ABCC8: variants seen among roughly 807,000 people sequenced by gnomAD.
The protein encoded by ABCC8 is ATP binding cassette subfamily C member 8, also known as ATP-binding cassette sub-family C member 8.
Under a neutral mutation model 188.0 loss-of-function variants are expected in ABCC8, and 137 were observed. The ratio of observed to expected loss-of-function variants is 0.73; its 90% confidence interval spans 0.63 to 0.84. The LOEUF is 0.84. ABCC8 is among the 40% of genes least tolerant of loss of function. ABCC8 has a pLI of 0.00. For synonymous variants in ABCC8, 797 were observed against 846.5 expected, an observed-to-expected ratio of 0.94 and a Z score of 1.01; for missense variants, 1,750 against 2,072.7, an observed-to-expected ratio of 0.84 and a Z score of 3.02.
At chr11:17,407,318 A>G in intron 24 of ABCC8, 36 bp downstream of exon 24, 2 of 1,614,120 alleles carry the variant, frequency 1.2e-6, no homozygotes, top group Non-Finnish European at 1.7e-6. Flanking sequence ...ATCAGACCTC[A>G]GGCCATAATT....
chr11:17,398,514 A>T, intron 29 of ABCC8, 73 bp from the exon 30 acceptor site: 5 of 1,595,782 alleles, frequency 3.1e-6, no homozygotes, highest in Non-Finnish European at 3.4e-6. Flanking sequence ...CCCTACCTGC[A>T]GAGGGAGGCT....
rs1412777627 is a variant in ABCC8 at position 17,393,879 on chromosome 11, C to T, written c.4546-120G>A. On this transcript the variant is annotated intron_variant, in intron 37 of 38. Coordinates refer to ENST00000389817, the MANE Select transcript of ABCC8 (RefSeq NM_000352.6). ...TCCCATCTGACCCCGATCCTAGTCC[C>T]ACCCCCACCCCACAGGACTGAACAG... is the stretch of plus-strand genomic sequence containing the variant. The T allele has an allele frequency of 1.1e-5, 17 of 1,593,556 alleles. No individual in the cohort carries two copies. The South Asian group carries it at 1.8e-4, about 17-fold the overall frequency.
At chr11:17,411,151 A>G (rs1300414794) in intron 21 of ABCC8, among the ~76,000 whole-genome samples, 1 of 152,106 alleles carries the variant, frequency 6.6e-6, no homozygotes, top group Non-Finnish European at 1.5e-5. Flanking sequence ...TTCCTCCTGC[A>G]TCCTGTCCTG....
At chr11:17,396,045 C>T in intron 33 of ABCC8, 115 bp from the exon 34 acceptor site, 7 of 1,527,262 alleles carry the variant, frequency 4.6e-6, no homozygotes, top group East Asian at 2.5e-5. Flanking sequence ...TCTTTTTGGC[C>T]TGGTTTTCTG....
chr11:17,462,637 C>T (rs1435881868), intron 4 of ABCC8, among the ~76,000 whole-genome samples: 4 of 152,134 alleles, frequency 2.6e-5, no homozygotes, highest in Non-Finnish European at 5.9e-5. Flanking sequence ...AACTTGGCAA[C>T]AAAGTAAATG....
Position 17,407,070 on chromosome 11 carries a change from C to T in ABCC8, c.2980G>A (p.Glu994Lys), listed in dbSNP as rs766921341. Residue 994 changes from glutamate (E) to lysine (K), a missense_variant, in exon 25 of 39, where the codon GAG (glutamate) becomes AAG (lysine). Physicochemically the swap from Glu to Lys is moderately conservative, Grantham distance 56 (BLOSUM62 1). Transcript: ENST00000389817. ...NLSSMLHQRA[E>K]IPWRACAKYL... is the part of the protein sequence containing the mutation. ...TTGGCGCAGGCTCGCCATGGGATCT[C>T]AGCACGCTGGTGCAGCATGGACGAC... The T allele has an allele frequency of 3.5e-5, 57 of 1,614,034 alleles. No homozygotes were observed. Among genetic ancestry groups the T allele is most frequent in the Non-Finnish European group, 4.7e-5 (55 of 1,180,038 alleles).
chr11:17,428,894 G>A, intron 12 of ABCC8: 1 of 729,094 alleles, frequency 1.4e-6, no homozygotes, highest in Non-Finnish European at 2.2e-6. Context: ...GGTCTGGATT[G>A]GAGGTGAGAT....
rs1234017934 is a variant in ABCC8, at chr11:17,432,227, T to C, written c.1648A>G (p.Ile550Val). ...ACTATGAGGACAGCTGCAATGGGGA[T>C]GGCCGTGTTCATGAAAACTGCAGAG... ...TSISIFMNTA[I>V]PIAAVLITFV... Residue 550 changes from isoleucine (I) to valine (V), a missense_variant, in exon 11 of 39, where the codon ATC becomes GTC. Coordinates refer to ENST00000389817, the MANE Select transcript of ABCC8 (RefSeq NM_000352.6). 1.3e-6 allele frequency: 2 copies of C among 1,552,728 alleles called. No individual in the cohort carries two copies. The highest frequency in any genetic ancestry group is 2.4e-5 in the East Asian group (1 of 41,048).
intron 3 of ABCC8, among the ~76,000 whole-genome samples, chr11:17,466,086 C>G (rs879499102): frequency 1.3e-5 from 2 of 152,072 alleles, no homozygotes; most frequent in Non-Finnish European, 2.9e-5. Context: ...ACATTATGCT[C>G]AGTGAAATAA....
chr11:17,451,302 G>A lies in ABCC8; in HGVS notation c.1176+1817C>T, dbSNP rs142800343. 5.3e-5 allele frequency among the ~76,000 whole-genome samples: 8 copies of A among 152,276 alleles called. No individual in the cohort carries two copies. The East Asian group carries it at 1.5e-3, about 29-fold the overall frequency. On this transcript the variant is annotated intron_variant, in intron 7 of 38. Coordinates refer to ENST00000389817, the MANE Select transcript of ABCC8 (RefSeq NM_000352.6). ...AGTTTTCTGAACTGAGCAACAGCTTGGTTCCTCCCAGCTCTGGGCCCCCAT... is the reference window on the plus strand; with the variant it reads ...AGTTTTCTGAACTGAGCAACAGCTTAGTTCCTCCCAGCTCTGGGCCCCCAT...
intron 7 of ABCC8, among the ~76,000 whole-genome samples, chr11:17,450,324 T>TTCTCTCTCTCTCTCTC (rs576893666): frequency 4.0e-5 from 3 of 75,710 alleles, no homozygotes; most frequent in African/African-American, 1.8e-4. Context: ...CTTTCTTTCT[T>TTCTCTCTCTCTCTCTC]TCTCTCTCTC....
intron 29 of ABCC8, among the ~76,000 whole-genome samples, chr11:17,399,275 C>CAAAAA (rs57138230): frequency 2.6e-4 from 15 of 58,536 alleles, no homozygotes; most frequent in East Asian, 3.7e-4. Context: ...GACTCTGCCT[C>CAAAAA]AAAAAAAAAA....
chr11:17,433,191 G>A (rs1358068987), intron 10 of ABCC8, among the ~76,000 whole-genome samples: 1 of 152,096 alleles, frequency 6.6e-6, no homozygotes, highest in Non-Finnish European at 1.5e-5. Context: ...AGAGAGAGCA[G>A]CCCCCCCATG....
At chr11:17,411,694 A>G (rs184370799) in intron 21 of ABCC8, among the ~76,000 whole-genome samples, 19 of 152,244 alleles carry the variant, frequency 1.2e-4, no homozygotes, top group Non-Finnish European at 2.4e-4. Context: ...CTCCCTGGAC[A>G]AGGCCCCCTC....
At chr11:17,428,195 A>G (rs111544613) in intron 14 of ABCC8, 94 bp downstream of exon 14, 25 of 1,590,292 alleles carry the variant, frequency 1.6e-5, no homozygotes, top group Non-Finnish European at 2.0e-5. Context: ...TGACCTCTGC[A>G]GAGGACTAAG....
chr11:17,455,265 T>C (rs73425085), intron 6 of ABCC8, among the ~76,000 whole-genome samples: 1,955 of 152,104 alleles, frequency 0.013, 42 homozygotes, highest in African/African-American at 0.045. Flanking sequence ...TGGAGAAACA[T>C]GGAATGCCAC....
intron 21 of ABCC8, 37 bp from the exon 22 acceptor site, chr11:17,410,690 G>A (rs756489596): frequency 1.1e-5 from 18 of 1,613,488 alleles, no homozygotes; most frequent in Non-Finnish European, 1.5e-5. Flanking sequence ...AGAGGGTAGG[G>A]AAAGGCATGG....
At chr11:17,397,607 T>G in intron 31 of ABCC8, 77 bp downstream of exon 31, 4 of 1,534,292 alleles carry the variant, frequency 2.6e-6, no homozygotes, top group Non-Finnish European at 3.5e-6. Flanking sequence ...TGGGAGTGTC[T>G]CATGTCTCCA....
chr11:17,440,304 G>C (rs992437399), intron 10 of ABCC8, among the ~76,000 whole-genome samples: 6 of 152,184 alleles, frequency 3.9e-5, no homozygotes, highest in Non-Finnish European at 7.3e-5. Flanking sequence ...GCTGGGAACT[G>C]TCTCTAAACC....
Sources: gnomAD v4.1 joint callset for allele counts (sites outside exome capture counted in the v4.1 genomes callset) on GRCh38, gnomAD v4.1.1 for gene constraint, MANE v1.5 for transcripts, NCBI Gene and HGNC (gene_info 2026-07-23, HGNC 2026-07-21) for gene names.